UBN2: variants seen among roughly 807,000 people sequenced by gnomAD.
The protein encoded by UBN2 is ubinuclein-2.
In UBN2, 35 loss-of-function variants were observed where a neutral mutation model predicts 120.2. The observed-to-expected ratio is 0.29, with a 90% CI of 0.22 to 0.39. UBN2 has a LOEUF of 0.39. Among genes scored for constraint, UBN2 ranks in the 10% least tolerant of loss-of-function variants. The probability of loss-of-function intolerance (pLI) is 1.00; values close to 1 mark genes in which losing one functional copy is unlikely to be tolerated. For synonymous variants in UBN2, 661 were observed against 648.7 expected (o/e 1.02, Z -0.29); for missense variants, 1,693 against 1,663.2 (o/e 1.02, Z -0.31).
chr7:139,272,225 AT>A (rs1797297562), intron 8 of UBN2, 96 bp from the exon 9 acceptor site: 1 of 789,982 alleles, frequency 1.3e-6, no homozygotes, highest in African/African-American at 1.7e-5. Flanking sequence ...CAAATCTATA[AT>A]TGGTATCTAA....
rs1797707509 is a variant in UBN2 at position 139,284,183 on chromosome 7, G to A, written c.3278G>A (p.Ser1093Asn). ...CCTACTGTATCCCCAAGTAGTTCCAGTCCAAATGCACTAGTTGCCCAGGGT... is the reference window on the plus strand; with the variant it reads ...CCTACTGTATCCCCAAGTAGTTCCAATCCAAATGCACTAGTTGCCCAGGGT... ...PKPTVSPSSS[S>N]PNALVAQGSH... is the part of the protein sequence containing the mutation. Residue 1093 changes from serine (S) to asparagine (N), a missense_variant, in exon 15 of 18, where the codon AGT (serine) becomes AAT (asparagine). Ser to Asn is a conservative substitution (Grantham distance 46, BLOSUM62 1). This residue lies in a region of UBN2 where 837 missense variants were observed against 817.6 expected (regional missense o/e 1.02). Transcript: ENST00000473989. 1.2e-6 allele frequency: 2 copies of A among 1,613,950 alleles called. No homozygotes were observed. The highest frequency in any genetic ancestry group is 1.7e-6 in the Non-Finnish European group (2 of 1,180,026).
chr7:139,245,097 CTTTTTTTTTTTTTT>C (rs537219130), intron 2 of UBN2, among the ~76,000 whole-genome samples: 6 of 100,322 alleles, frequency 6.0e-5, no homozygotes, highest in South Asian at 3.2e-4. Context: ...CCATGCCCAG[CTTTTTTTTTTTTTT>C]TTTTTTTTTT....
At chr7:139,239,182 C>T (rs144776768) in intron 2 of UBN2, among the ~76,000 whole-genome samples, 1 of 152,228 alleles carries the variant, frequency 6.6e-6, no homozygotes, top group East Asian at 1.9e-4. Context: ...CCTTTTTATA[C>T]ATATTATAGA....
downstream of UBN2, among the ~76,000 whole-genome samples, chr7:139,311,188 A>G (rs1384452222): frequency 6.6e-6 from 1 of 152,218 alleles, no homozygotes; most frequent in Non-Finnish European, 1.5e-5. Flanking sequence ...GGTTGGGTTA[A>G]TCATGAGATC....
intron 2 of UBN2, among the ~76,000 whole-genome samples, chr7:139,250,042 C>CA (rs1405640243): frequency 5.3e-5 from 8 of 151,416 alleles, no homozygotes; most frequent in Non-Finnish European, 1.0e-4. Context: ...CATCCCCTAC[C>CA]AAAAAAAATA....
chr7:139,272,325 G>A lies in UBN2; in HGVS notation c.1600G>A (p.Asp534Asn). 1.2e-6 allele frequency: 2 copies of A among 1,606,754 alleles called. No individual in the cohort carries two copies. Among genetic ancestry groups the A allele is most frequent in the Non-Finnish European group, 1.7e-6 (2 of 1,177,434 alleles). Residue 534 changes from aspartate to asparagine, a missense_variant, in exon 9 of 18, where the codon GAT (aspartate) becomes AAT (asparagine). Asp to Asn is a conservative substitution (Grantham distance 23). Around this residue, in one of 5 missense-constraint regions of UBN2, gnomAD observed 178 missense variants for 204.0 expected, o/e 0.87. Coordinates refer to ENST00000473989, the MANE Select transcript of UBN2 (RefSeq NM_173569.4). Reference sequence around the variant, plus strand: ...TCTAGTATGTTTTTCTTTTTAGGATGATCGTTTAAGAGAACCTCTGCAAAA... The same window carrying A: ...TCTAGTATGTTTTTCTTTTTAGGATAATCGTTTAAGAGAACCTCTGCAAAA... ...LKKLHLNVQD[D>N]RLREPLQKLK...
chr7:139,275,231 T>C (rs903277095), intron 11 of UBN2, among the ~76,000 whole-genome samples: 9 of 143,538 alleles, frequency 6.3e-5, no homozygotes, highest in African/African-American at 2.4e-4. Context: ...TGAGCCGAGA[T>C]TGCACCATTG....
chr7:139,232,196 G>A (rs1039839751), intron 1 of UBN2, among the ~76,000 whole-genome samples: 9 of 152,354 alleles, frequency 5.9e-5, no homozygotes, highest in Admixed American at 5.2e-4. Context: ...CGCTCCCAAC[G>A]CCGCGCCGAG....
chr7:139,240,754 G>T (rs1796299309), intron 2 of UBN2, among the ~76,000 whole-genome samples: 1 of 152,052 alleles, frequency 6.6e-6, no homozygotes, highest in Admixed American at 6.6e-5. Flanking sequence ...TCTGTTTCCT[G>T]TTATGTTGTT....
intron 4 of UBN2, among the ~76,000 whole-genome samples, chr7:139,259,036 C>G (rs1279362293): frequency 3.9e-5 from 6 of 152,164 alleles, no homozygotes; most frequent in Admixed American, 3.9e-4. Flanking sequence ...CTTACTTACA[C>G]CAGAATCACC....
intron 7 of UBN2, among the ~76,000 whole-genome samples, chr7:139,266,943 TATATA>T (rs759829390): frequency 5.9e-5 from 9 of 152,300 alleles, no homozygotes; most frequent in African/African-American, 1.9e-4. Flanking sequence ...TGAAGGTAGA[TATATA>T]ATATAGATTG....
chr7:139,265,042 C>A (rs549534264), intron 6 of UBN2, among the ~76,000 whole-genome samples: 15 of 152,272 alleles, frequency 9.9e-5, no homozygotes, highest in African/African-American at 2.6e-4. Context: ...TGTCTTCTAG[C>A]TATTTTGAAA....
intron 8 of UBN2, among the ~76,000 whole-genome samples, chr7:139,270,539 G>A (rs550159584): frequency 6.6e-6 from 1 of 152,174 alleles, no homozygotes; most frequent in East Asian, 1.9e-4. Flanking sequence ...AAAGTGCTAG[G>A]ATTACAGGCG....
chr7:139,251,508 T>A (rs903874211), intron 2 of UBN2, among the ~76,000 whole-genome samples: 1 of 152,242 alleles, frequency 6.6e-6, no homozygotes, highest in Admixed American at 6.5e-5. Context: ...ACATTTTCCT[T>A]GTTTTTGATA....
At chr7:139,297,192 T>A (rs1316420177) in intron 17 of UBN2, among the ~76,000 whole-genome samples, 32 of 122,500 alleles carry the variant, frequency 2.6e-4, no homozygotes, top group Admixed American at 1.7e-3. Context: ...AGACTCCGTC[T>A]CAAAAAAAAA....
the UBN2 span, among the ~76,000 whole-genome samples, chr7:139,327,096 C>T: frequency 1.3e-5 from 2 of 152,188 alleles, no homozygotes; most frequent in African/African-American, 2.4e-5. Context: ...TGCAATGGCG[C>T]GATCTCAGCT....
rs1477770848 is a variant in UBN2, at chr7:139,231,725, G to C, written c.241G>C (p.Glu81Gln). The change falls in exon 1 of 18, where the codon GAG becomes CAG. Residue 81 changes from glutamate (E) to glutamine (Q), a missense_variant. Around this residue, in one of 5 missense-constraint regions of UBN2, gnomAD observed 663 missense variants for 591.2 expected, o/e 1.12. Coordinates refer to ENST00000473989, the MANE Select transcript of UBN2 (RefSeq NM_173569.4). ...PLPQREVSRA[E>Q]PPMSLQREPP... ...CCCCCAGCGCGAGGTCAGCCGCGCC[G>C]AGCCGCCCATGTCGCTGCAGCGGGA... 1.6e-5 allele frequency: 19 copies of C among 1,187,820 alleles called. No individual in the cohort carries two copies. Among genetic ancestry groups the C allele is most frequent in the Non-Finnish European group, 1.7e-5 (16 of 963,040 alleles). 73.6% of individuals were successfully genotyped at this position (1,187,820 alleles called of 1,614,324 possible).
At chr7:139,313,271 T>C in the UBN2 span, among the ~76,000 whole-genome samples, 1 of 152,188 alleles carries the variant, frequency 6.6e-6, no homozygotes, top group Admixed American at 6.5e-5. Context: ...GTTACAGATT[T>C]TTTTTGTGTC....
chr7:139,235,757 A>G lies in UBN2; in HGVS notation c.469-1248A>G, dbSNP rs1032860645. On this transcript the variant is annotated intron_variant, in intron 1 of 17. Coordinates refer to ENST00000473989, the MANE Select transcript of UBN2 (RefSeq NM_173569.4). ...GAACTATTCTATAAATTTATTACTT[A>G]TTACAATAATTTTAAAAATTGATTT... Among the ~76,000 whole-genome samples the G allele has an allele frequency of 4.5e-4, 68 of 152,194 alleles. 1 individual carries two copies. Among genetic ancestry groups the G allele is most frequent in the Admixed American group, 4.5e-3 (68 of 15,278 alleles).
Sources: allele counts gnomAD v4.1 joint callset (sites outside exome capture counted in the v4.1 genomes callset), GRCh38; gene constraint gnomAD v4.1.1; regional missense constraint gnomAD v4.1.1; transcripts MANE v1.5; gene names NCBI Gene and HGNC (gene_info 2026-07-23, HGNC 2026-07-21).